KCTD18: variants seen among roughly 807,000 people sequenced by gnomAD.
The protein encoded by KCTD18 is potassium channel tetramerization domain containing 18.
In KCTD18, 22 loss-of-function variants were observed where a neutral mutation model predicts 30.4. That is an observed-to-expected ratio of 0.72 (90% CI 0.52 to 1.03). The LOEUF is 1.03. KCTD18 is among the 50% of genes least tolerant of loss of function. The pLI is 0.00. For synonymous variants in KCTD18, 186 were observed against 209.0 expected (o/e 0.89, Z 0.95); for missense variants, 529 against 547.6 (o/e 0.97, Z 0.34).
intron 4 of KCTD18, 45 bp downstream of exon 4, chr2:200,498,846 C>A: frequency 1.3e-6 from 2 of 1,547,536 alleles, no homozygotes; most frequent in Non-Finnish European, 1.8e-6. Flanking sequence ...TTAAAAGAGA[C>A]CAAGACTTTA....
In KCTD18 at chr2:200,489,700, C is replaced by T. The variant is rs2087875010; in HGVS notation, c.*400G>A. 1.2e-5 allele frequency: 2 copies of T among 171,874 alleles called. No individual in the cohort carries two copies. Among genetic ancestry groups the T allele is most frequent in the Non-Finnish European group, 2.5e-5 (2 of 81,194 alleles). The allele number at this position is 171,874 out of a possible 1,614,324, so 10.6% of individuals were successfully genotyped here. On this transcript the variant is annotated 3_prime_UTR_variant, in exon 7 of 7. Coordinates refer to ENST00000359878, the MANE Select transcript of KCTD18 (RefSeq NM_152387.4). ...GTACAGGGAACCACTAATATCACCC[C>T]CTCCATTTTCCCAGACAGGAATACC...
intron 6 of KCTD18, among the ~76,000 whole-genome samples, chr2:200,491,422 C>T (rs1218962218): frequency 6.6e-6 from 1 of 152,108 alleles, no homozygotes; most frequent in Non-Finnish European, 1.5e-5. Flanking sequence ...TATAGCAATG[C>T]AAAACTAATA....
At chr2:200,503,987 T>A (rs181614014) in intron 3 of KCTD18, among the ~76,000 whole-genome samples, 1 of 152,328 alleles carries the variant, frequency 6.6e-6, no homozygotes, top group East Asian at 1.9e-4. Flanking sequence ...CTTAAAAAGA[T>A]ATTTAGTGAT....
intron 3 of KCTD18, among the ~76,000 whole-genome samples, chr2:200,501,026 C>A (rs1408726039): frequency 2.0e-5 from 3 of 151,588 alleles, no homozygotes; most frequent in Admixed American, 6.6e-5. Context: ...GAAAAACAAG[C>A]AATGGAGAAA....
intron 3 of KCTD18, among the ~76,000 whole-genome samples, chr2:200,502,235 T>C (rs939264748): frequency 1.3e-5 from 2 of 151,996 alleles, no homozygotes; most frequent in Admixed American, 1.3e-4. Flanking sequence ...CATGTATACA[T>C]ATGTAACTAA....
intron 2 of KCTD18, among the ~76,000 whole-genome samples, chr2:200,506,229 T>A (rs534074668): frequency 3.3e-5 from 5 of 152,312 alleles, no homozygotes; most frequent in Admixed American, 3.3e-4. Context: ...TGAACTTTCT[T>A]TACAAACAGT....
intron 3 of KCTD18, among the ~76,000 whole-genome samples, chr2:200,502,903 G>T (rs1375326274): frequency 6.6e-6 from 1 of 152,110 alleles, no homozygotes; most frequent in Non-Finnish European, 1.5e-5. Flanking sequence ...GGTGGCACAT[G>T]CCTGTAATCC....
At chr2:200,497,044 A>C (rs1199216273) in intron 5 of KCTD18, 1 of 152,216 alleles carries the variant, frequency 6.6e-6, no homozygotes, top group African/African-American at 2.4e-5. Context: ...AGTCTTATTT[A>C]TCTTTGGATC....
intron 2 of KCTD18, among the ~76,000 whole-genome samples, chr2:200,505,890 A>G (rs2030165851): frequency 6.6e-6 from 1 of 152,136 alleles, no homozygotes; most frequent in African/African-American, 2.4e-5. Flanking sequence ...AAAAACCTCT[A>G]CATGAGGCTA....
chr2:200,509,891 A>G lies in KCTD18; in HGVS notation c.-339T>C, dbSNP rs1335025933. 6.6e-6 allele frequency: 1 copy of G among 150,406 alleles called. No individual in the cohort carries two copies. The highest frequency in any genetic ancestry group is 1.5e-5 in the Non-Finnish European group (1 of 67,492). 9.3% of individuals were successfully genotyped at this position (150,406 alleles called of 1,614,324 possible). On this transcript the variant is annotated 5_prime_UTR_variant, in exon 1 of 7. Transcript: ENST00000359878. Reference sequence around the variant, plus strand: ...GCCTGCAGCCCGGGGCGCGCGCGTTACCAGCGCGGCCCGTGCCCTTCCTCA... The same window carrying G: ...GCCTGCAGCCCGGGGCGCGCGCGTTGCCAGCGCGGCCCGTGCCCTTCCTCA...
chr2:200,491,580 G>C (rs2087918290), intron 6 of KCTD18, among the ~76,000 whole-genome samples: 1 of 152,040 alleles, frequency 6.6e-6, no homozygotes, highest in African/African-American at 2.4e-5. Context: ...GCATTCTTTG[G>C]AACCCATTTT....
Position 200,493,246 on chromosome 2 carries a change from CTCA to C in KCTD18, c.687_689del (p.His229_Glu230delinsGln). 1 of 1,611,502 alleles carries C rather than the reference CTCA, an allele frequency of 6.2e-7. No homozygotes were observed. ...CTTCTAGAGTCCAACACTCTATCAG[CTCA>C]TGAGGCACCCGCCAGTAGCTAACAC... is the stretch of plus-strand genomic sequence containing the variant. On this transcript the variant is annotated inframe_deletion, in exon 6 of 7. Transcript: ENST00000359878.
At chr2:200,508,927 C>T (rs1438232211) in intron 1 of KCTD18, among the ~76,000 whole-genome samples, 1 of 152,174 alleles carries the variant, frequency 6.6e-6, no homozygotes, top group Non-Finnish European at 1.5e-5. Context: ...ATGACCGTCC[C>T]ACGTATCCTT....
At chr2:200,503,169 G>A (rs1345279534) in intron 3 of KCTD18, among the ~76,000 whole-genome samples, 1 of 152,120 alleles carries the variant, frequency 6.6e-6, no homozygotes, top group African/African-American at 2.4e-5. Flanking sequence ...TAAGTACTCT[G>A]GACAGGTACT....
At chr2:200,505,862 TAA>T (rs145865034) in intron 2 of KCTD18, among the ~76,000 whole-genome samples, 34 of 145,300 alleles carry the variant, frequency 2.3e-4, no homozygotes, top group African/African-American at 5.3e-4. Flanking sequence ...TTAGCAGAAT[TAA>T]AAAAAAAAAA....
chr2:200,504,636 C>T, intron 3 of KCTD18, 112 bp downstream of exon 3: 1 of 801,244 alleles, frequency 1.2e-6, no homozygotes, highest in Non-Finnish European at 1.9e-6. Flanking sequence ...CTTCAAAATG[C>T]ATAAAAACTA....
intron 2 of KCTD18, among the ~76,000 whole-genome samples, chr2:200,505,223 C>T (rs1217543194): frequency 6.6e-6 from 1 of 152,154 alleles, no homozygotes; most frequent in East Asian, 1.9e-4. Flanking sequence ...GGGACAATCA[C>T]CTGTAGTTCT....
intron 5 of KCTD18, chr2:200,496,105 A>T (rs1187460286): frequency 6.6e-6 from 1 of 152,204 alleles, no homozygotes; most frequent in East Asian, 1.9e-4. Flanking sequence ...TTTAGTAAAG[A>T]CAGGGTTTCA....
intron 3 of KCTD18, among the ~76,000 whole-genome samples, chr2:200,502,974 G>A (rs1391407129): frequency 6.7e-6 from 1 of 149,762 alleles, no homozygotes; most frequent in Non-Finnish European, 1.5e-5. Context: ...AGGTTGCGGT[G>A]AACTGAGATC....
Sources: allele counts gnomAD v4.1 joint callset (sites outside exome capture counted in the v4.1 genomes callset), GRCh38; gene constraint gnomAD v4.1.1; transcripts MANE v1.5; gene names NCBI Gene and HGNC (gene_info 2026-07-23, HGNC 2026-07-21).